The following COPRS variants were observed in gnomAD, a reference collection of about 807,000 sequenced individuals.
COPRS encodes the protein cooperator of PRMT5.
A neutral mutation model predicts 19.9 loss-of-function variants in COPRS; 11 were observed. The ratio of observed to expected loss-of-function variants is 0.55; its 90% CI spans 0.35 to 0.92. COPRS has a LOEUF of 0.92. Among genes scored for constraint, COPRS ranks in the 40% least tolerant of loss-of-function variants. COPRS has a pLI of 0.01. For missense variants in COPRS, 225 were observed against 229.9 expected (o/e 0.98, Z 0.14); for synonymous variants, 81 against 82.7 (o/e 0.98, Z 0.11).
intron 3 of COPRS, 23 bp downstream of exon 3, chr17:31,852,789 A>AC (rs757852077): frequency 6.4e-7 from 1 of 1,563,826 alleles, no homozygotes; most frequent in Admixed American, 1.7e-5. Context: ...CTAGTTCAGG[A>AC]CCCCCAGAGA....
chr17:31,857,561 A>G (rs1223362074), intron 1 of COPRS, among the ~76,000 whole-genome samples: 3 of 152,126 alleles, frequency 2.0e-5, no homozygotes, highest in Non-Finnish European at 4.4e-5. Context: ...AGCCAACCAA[A>G]TGCTTCTCTG....
chr17:31,855,538 T>G (rs1327251367), intron 2 of COPRS, among the ~76,000 whole-genome samples: 2 of 150,198 alleles, frequency 1.3e-5, no homozygotes, highest in Non-Finnish European at 3.0e-5. Flanking sequence ...ATACAAAAAT[T>G]AGCCAGGCGA....
At chr17:31,857,100 A>C (rs1177363834) in intron 1 of COPRS, among the ~76,000 whole-genome samples, 1 of 152,190 alleles carries the variant, frequency 6.6e-6, no homozygotes, top group Non-Finnish European at 1.5e-5. Context: ...CCGTGGCAGC[A>C]GGAATGCCTT....
intron 2 of COPRS, among the ~76,000 whole-genome samples, chr17:31,853,663 A>G (rs1177852116): frequency 1.3e-5 from 2 of 152,142 alleles, no homozygotes; most frequent in Non-Finnish European, 2.9e-5. Context: ...TACAGGCGTA[A>G]GCCACTGTGC....
chr17:31,853,007 T>A lies in COPRS; in HGVS notation c.190A>T (p.Asn64Tyr). The stretch of plus-strand genomic sequence containing the variant: ...CCCTCACCCCGGGCAGGACTGTCAT[T>A]AGGAATGCTCTGTGTTCCACGGGCT... ...RLARGTQSIPNDSPARGEGTH... is the reference protein window; with the variant it reads ...RLARGTQSIPYDSPARGEGTH... Residue 64 changes from asparagine to tyrosine, a missense_variant, in exon 3 of 4, where the codon AAT (asparagine) becomes TAT (tyrosine). Physicochemically the swap from Asn to Tyr is moderately radical, Grantham distance 143. Transcript: ENST00000302362. 6.2e-7 allele frequency: 1 copy of A among 1,613,954 alleles called. No homozygotes were observed.
rs181069895 is a variant in COPRS at position 31,852,118 on chromosome 17, A to G, written c.*21T>C. On this transcript the variant is annotated 3_prime_UTR_variant, in exon 4 of 4. Transcript: ENST00000302362. ...TCTTGACGTGGAGGCCCGCCCACCTACAAGGCAGAAAGCTCCACACTCAAT... is the reference window on the plus strand; with the variant it reads ...TCTTGACGTGGAGGCCCGCCCACCTGCAAGGCAGAAAGCTCCACACTCAAT... 4.3e-6 allele frequency: 7 copies of G among 1,613,350 alleles called. No individual in the cohort carries two copies. In the Admixed American group the frequency reaches 6.7e-5, roughly 15 times the overall value.
chr17:31,858,300 A>G (rs1909424400), intron 1 of COPRS: 1 of 909,110 alleles, frequency 1.1e-6, no homozygotes, highest in African/African-American at 1.8e-5. Flanking sequence ...GCCCTGACAA[A>G]ATTAGTCCCA....
chr17:31,859,032 G>A (rs1909451909), intron 1 of COPRS, 69 bp downstream of exon 1: 3 of 1,173,470 alleles, frequency 2.6e-6, no homozygotes, highest in African/African-American at 1.6e-5. Context: ...CCCCCGCCCA[G>A]CCCGGCCCCG....
Position 31,859,222 on chromosome 17 carries a change from G to T in COPRS, c.-23C>A. On this transcript the variant is annotated 5_prime_UTR_variant, in exon 1 of 4. Coordinates refer to ENST00000302362, the MANE Select transcript of COPRS (RefSeq NM_018405.4). ...CATGCCCTGCGGCCCGCGGCTGGTC[G>T]CCCTGGACGCCGTGGGCCACGTGAC... is the stretch of plus-strand genomic sequence containing the variant. 5.0e-6 allele frequency: 5 copies of T among 996,870 alleles called. No individual in the cohort carries two copies. The highest frequency in any genetic ancestry group is 6.1e-6 in the Non-Finnish European group (5 of 823,824). 61.8% of individuals were successfully genotyped at this position (996,870 alleles called of 1,614,324 possible). A position where few individuals can be genotyped will look rare whatever the true frequency, so the allele number is the denominator to read the frequency against.
At chr17:31,854,552 CACA>C (rs1254553129) in intron 2 of COPRS, among the ~76,000 whole-genome samples, 1 of 151,956 alleles carries the variant, frequency 6.6e-6, no homozygotes, top group Non-Finnish European at 1.5e-5. Context: ...AAAAGGTAGA[CACA>C]ACATCAAATG....
chr17:31,854,572 A>C lies in COPRS; in HGVS notation c.167-1542T>G, dbSNP rs116011777. Among the ~76,000 whole-genome samples, 957 of 152,264 alleles carry C rather than the reference A, an allele frequency of 6.3e-3. 13 individuals are homozygous for C. Among genetic ancestry groups the C allele is most frequent in the African/African-American group, 0.022 (908 of 41,544 alleles). The stretch of plus-strand genomic sequence containing the variant: ...GTAGACACAACATCAAATGTCCATC[A>C]ATGGATGAATGGAAAAACAAAATGT... On this transcript the variant is annotated intron_variant, in intron 2 of 3. Coordinates refer to ENST00000302362, the MANE Select transcript of COPRS (RefSeq NM_018405.4).
At position 31,856,803 on chromosome 17, in the gene COPRS, T is replaced by C. The variant is rs774669785; in HGVS notation, c.162A>G (p.Arg54=). 3.1e-6 allele frequency: 5 copies of C among 1,599,644 alleles called. No homozygotes were observed. The South Asian group carries it at 5.5e-5, about 18-fold the overall frequency. ...CCGTCTCTGCCATCTACTTGCCTAG[T>C]CGATCCATAGCCTTCTCAGTCTCTC... ...QERETEKAMD[R]LARGTQSIPN... is the part of the protein sequence containing the mutation. Residue 54 remains arginine (R), a synonymous_variant, in exon 2 of 4, where the codon CGA becomes CGG. Transcript: ENST00000302362.
chr17:31,856,513 G>C (rs914316760), intron 2 of COPRS: 2 of 427,258 alleles, frequency 4.7e-6, no homozygotes, highest in East Asian at 5.4e-5. Context: ...GGGCGGGGGG[G>C]TCTTAGAATG....
At position 31,859,231 on chromosome 17, in the gene COPRS, G is replaced by T; in HGVS notation, c.-32C>A. The T allele has an allele frequency of 7.3e-6, 7 of 964,418 alleles. No homozygotes were observed. The highest frequency in any genetic ancestry group is 8.8e-6 in the Non-Finnish European group (7 of 794,384). 59.7% of individuals were successfully genotyped at this position (964,418 alleles called of 1,614,324 possible). The stretch of plus-strand genomic sequence containing the variant: ...CGGCCCGCGGCTGGTCGCCCTGGAC[G>T]CCGTGGGCCACGTGACGCGCCGGCC... On this transcript the variant is annotated 5_prime_UTR_variant, in exon 1 of 4. Coordinates refer to ENST00000302362, the MANE Select transcript of COPRS (RefSeq NM_018405.4).
In COPRS at chr17:31,852,108, C is replaced by A. The variant is rs778871427; in HGVS notation, c.*31G>T. On this transcript the variant is annotated 3_prime_UTR_variant, in exon 4 of 4. Coordinates refer to ENST00000302362, the MANE Select transcript of COPRS (RefSeq NM_018405.4). Reference sequence around the variant, plus strand: ...GGAAAAGAGATCTTGACGTGGAGGCCCGCCCACCTACAAGGCAGAAAGCTC... The same window carrying A: ...GGAAAAGAGATCTTGACGTGGAGGCACGCCCACCTACAAGGCAGAAAGCTC... The A allele has an allele frequency of 9.3e-6, 15 of 1,612,406 alleles. No homozygotes were observed. Among genetic ancestry groups the A allele is most frequent in the Admixed American group, 1.7e-5 (1 of 59,926 alleles).
chr17:31,856,677 G>T, intron 2 of COPRS, 122 bp downstream of exon 2: 1 of 753,648 alleles, frequency 1.3e-6, no homozygotes, highest in South Asian at 1.5e-5. Context: ...TGTTCAACTG[G>T]GCAGAGAAGG....
rs1909460306 is a variant in COPRS, at chr17:31,859,178, C to A, written c.22G>T (p.Ala8Ser). The A allele has an allele frequency of 1.1e-5, 12 of 1,061,530 alleles. No homozygotes were observed. The highest frequency in any genetic ancestry group is 5.4e-5 in the Admixed American group (1 of 18,544). 65.8% of individuals were successfully genotyped at this position (1,061,530 alleles called of 1,614,324 possible). Residue 8 changes from alanine to serine, a missense_variant, in exon 1 of 4, where the codon GCC becomes TCC. Coordinates refer to ENST00000302362, the MANE Select transcript of COPRS (RefSeq NM_018405.4). ...GGCTCCGCGGCCCCCTGCGCCTGGG[C>A]CCCGGCGGCCTGAAGGTCCATGCCC... is the stretch of plus-strand genomic sequence containing the variant. MDLQAAG[A>S]QAQGAAEPSR...
chr17:31,852,553 T>C (rs982452054), intron 3 of COPRS, among the ~76,000 whole-genome samples: 5 of 152,230 alleles, frequency 3.3e-5, no homozygotes, highest in African/African-American at 1.2e-4. Flanking sequence ...CACTTCTATC[T>C]GCAGCTGCTC....
chr17:31,854,273 G>A (rs753046792), intron 2 of COPRS, among the ~76,000 whole-genome samples: 1 of 150,450 alleles, frequency 6.6e-6, no homozygotes, highest in Admixed American at 6.7e-5. Flanking sequence ...AAGAGGCTGA[G>A]GTGGGAGGAT....
Sources: allele counts gnomAD v4.1 joint callset (sites outside exome capture counted in the v4.1 genomes callset), GRCh38; gene constraint gnomAD v4.1.1; transcripts MANE v1.5; gene names NCBI Gene and HGNC (gene_info 2026-07-23, HGNC 2026-07-21).